KIF17: variants seen among roughly 807,000 people sequenced by gnomAD.
KIF17 encodes the protein kinesin family member 17.
A neutral mutation model predicts 96.8 loss-of-function variants in KIF17; 80 were observed. That is an observed-to-expected ratio of 0.83 (90% CI 0.69 to 1.00). The LOEUF (loss-of-function observed/expected upper bound fraction) is 1.00, where lower values mean the gene tolerates loss of function less well. Among genes scored for constraint, KIF17 ranks in the 50% least tolerant of loss-of-function variants. The pLI is 0.00. For synonymous variants in KIF17, 567 were observed against 587.5 expected (o/e 0.97, Z 0.51); for missense variants, 1,280 against 1,372.9 (o/e 0.93, Z 1.07).
downstream of KIF17, among the ~76,000 whole-genome samples, chr1:20,661,817 G>C (rs2053441063): frequency 6.6e-6 from 1 of 152,240 alleles, no homozygotes; most frequent in African/African-American, 2.4e-5. Context: ...TCGGGACCAG[G>C]AACTAGGCCC....
Position 20,717,810 on chromosome 1 carries a change from G to A in KIF17, c.-104C>T. ...GGGGCCAGCGCCGGCCACGGGGGGCGGGGCCTTGAGGCAGGGGCGGGGCCG... is the reference window on the plus strand; with the variant it reads ...GGGGCCAGCGCCGGCCACGGGGGGCAGGGCCTTGAGGCAGGGGCGGGGCCG... On this transcript the variant is annotated 5_prime_UTR_variant, in exon 1 of 15. Transcript: ENST00000400463. The A allele has an allele frequency of 8.0e-7, 1 of 1,256,858 alleles. No individual in the cohort carries two copies. Among genetic ancestry groups the A allele is most frequent in the South Asian group, 2.2e-5 (1 of 45,984 alleles). The allele number at this position is 1,256,858 out of a possible 1,614,324, so 77.9% of individuals were successfully genotyped here.
At chr1:20,712,737 T>C (rs192157682) in intron 3 of KIF17, among the ~76,000 whole-genome samples, 1,092 of 20,960 alleles carry the variant, frequency 0.052, 326 homozygotes, top group African/African-American at 0.13. Context: ...TATCTATATA[T>C]ATTATATATA....
intron 7 of KIF17, among the ~76,000 whole-genome samples, chr1:20,688,503 G>A (rs895572493): frequency 1.3e-5 from 2 of 152,076 alleles, no homozygotes; most frequent in South Asian, 2.1e-4. Flanking sequence ...CCTGACCAAC[G>A]CTGGGATTCC....
At chr1:20,665,003 C>T (rs942990781) in intron 14 of KIF17, among the ~76,000 whole-genome samples, 1 of 152,048 alleles carries the variant, frequency 6.6e-6, no homozygotes, top group Non-Finnish European at 1.5e-5. Context: ...TTTAAAGCAT[C>T]AGACTGAGGC....
intron 13 of KIF17, among the ~76,000 whole-genome samples, chr1:20,668,010 CA>C (rs796242617): frequency 0.023 from 2,730 of 119,088 alleles, 65 homozygotes; most frequent in African/African-American, 0.062. Context: ...AACTCTGTCT[CA>C]AAAAAAAAAA....
At chr1:20,691,440 C>T (rs961094791) in intron 6 of KIF17, among the ~76,000 whole-genome samples, 16 of 151,998 alleles carry the variant, frequency 1.1e-4, no homozygotes, top group Admixed American at 2.0e-4. Context: ...AGCCACCACA[C>T]CCAGCCTCTC....
rs1557592663 is a variant in KIF17, at chr1:20,687,805, CAG to C, written c.1519_1520del (p.Leu507AlafsTer3). 6.2e-7 allele frequency: 1 copy of C among 1,614,182 alleles called. No individual in the cohort carries two copies. The highest frequency in any genetic ancestry group is 1.1e-5 in the South Asian group (1 of 91,088). ...KPKVFSTTDTLPSDDVSKTQV... is the reference protein window; with the variant it reads ...KPKVFSTTDTXPSDDVSKTQV... ...GAGTCTTGGAGACATCGTCACTGGG[CAG>C]AGTGTCAGTCGTGGAGAAGACCTTG... On this transcript the variant is annotated frameshift_variant, in exon 8 of 15. Transcript: ENST00000400463. LOFTEE classifies it high-confidence loss of function. This position sits in a 1 kb window ranked among gnomAD's most constrained non-coding sequence, Gnocchi z 4.4.
rs2054214985 is a variant in KIF17, at chr1:20,700,486, G to C, written c.1124-1998C>G. Among the ~76,000 whole-genome samples, 2 of 152,228 alleles carry C rather than the reference G, an allele frequency of 1.3e-5. No homozygotes were observed. The highest frequency in any genetic ancestry group is 4.8e-5 in the African/African-American group (2 of 41,456). ...CCAAGTGTCTGGTTTGAACACCTGA[G>C]TTGCCTCTGTCAGCTGTTGGGGGGA... On this transcript the variant is annotated intron_variant, in intron 5 of 14. Coordinates refer to ENST00000400463, the MANE Select transcript of KIF17 (RefSeq NM_001122819.3). This position sits in a 1 kb window ranked among gnomAD's most constrained non-coding sequence, Gnocchi z 4.6.
intron 12 of KIF17, 97 bp downstream of exon 12, chr1:20,671,841 C>T (rs1174107537): frequency 1.4e-6 from 2 of 1,463,104 alleles, no homozygotes; most frequent in Non-Finnish European, 1.9e-6. Context: ...CTTCTACACC[C>T]ACAGCCTGCA....
chr1:20,695,384 C>T (rs962511565), intron 6 of KIF17, among the ~76,000 whole-genome samples: 11 of 152,274 alleles, frequency 7.2e-5, no homozygotes, highest in South Asian at 6.2e-4. Context: ...GACGGGGTTT[C>T]GCCATGTTGG....
At chr1:20,689,501 A>G (rs2054001365) in intron 7 of KIF17, among the ~76,000 whole-genome samples, 1 of 152,074 alleles carries the variant, frequency 6.6e-6, no homozygotes, top group South Asian at 2.1e-4. Context: ...AAACACAAAA[A>G]TTAGCCGGGT....
At chr1:20,713,340 C>A in intron 3 of KIF17, 114 bp downstream of exon 3, 1 of 717,094 alleles carries the variant, frequency 1.4e-6, no homozygotes, top group Non-Finnish European at 2.3e-6. Context: ...AGTCCCGACT[C>A]TAGCCTCCCA....
At chr1:20,715,237 T>G (rs545065339) in intron 2 of KIF17, among the ~76,000 whole-genome samples, 1 of 152,338 alleles carries the variant, frequency 6.6e-6, no homozygotes, top group Non-Finnish European at 1.5e-5. Context: ...CCTGGCCCAG[T>G]GCACAGGGTC....
At chr1:20,698,337 C>T (rs2054178076) in intron 6 of KIF17, 42 bp downstream of exon 6, 1 of 1,443,292 alleles carries the variant, frequency 6.9e-7, no homozygotes. Flanking sequence ...TGGGCCCCAC[C>T]TGCCTGTCCC....
rs1038411897 is a variant in KIF17 at position 20,672,632 on chromosome 1, G to C, written c.2464-436C>G. ...TTGCACAAGTGACATCTCTAAGGAG[G>C]ACAACAGGCACAAACTCTCCGACTT... is the stretch of plus-strand genomic sequence containing the variant. On this transcript the variant is annotated intron_variant, in intron 11 of 14. Coordinates refer to ENST00000400463, the MANE Select transcript of KIF17 (RefSeq NM_001122819.3). The surrounding 1 kb of genome is among the most constrained non-coding windows in gnomAD (Gnocchi z 4.3). Among the ~76,000 whole-genome samples the C allele has an allele frequency of 6.6e-6, 1 of 152,160 alleles. No individual in the cohort carries two copies. Among genetic ancestry groups the C allele is most frequent in the African/African-American group, 2.4e-5 (1 of 41,424 alleles).
In KIF17 at chr1:20,690,348, G is replaced by GC; in HGVS notation, c.1234-14_1234-13insG. The GC allele has an allele frequency of 2.8e-5, 21 of 757,316 alleles. No homozygotes were observed. The highest frequency in any genetic ancestry group is 4.1e-5 in the Non-Finnish European group (19 of 468,024). 46.9% of individuals were successfully genotyped at this position (757,316 alleles called of 1,614,324 possible). ...GCTCTTCATACTCCTGGGGGGGTGG[G>GC]AGGGACCAGAGGGCAGGCAGCATTT... On this transcript the variant is annotated splice_polypyrimidine_tract_variant and intron_variant, in intron 6 of 14. Coordinates refer to ENST00000400463, the MANE Select transcript of KIF17 (RefSeq NM_001122819.3).
At chr1:20,714,811 A>AAG (rs1421513923) in intron 2 of KIF17, among the ~76,000 whole-genome samples, 1 of 151,842 alleles carries the variant, frequency 6.6e-6, no homozygotes, top group Non-Finnish European at 1.5e-5. Flanking sequence ...AAAAAAAAAA[A>AAG]AAAACACCTG....
chr1:20,712,455 C>T (rs1419548618), intron 3 of KIF17, among the ~76,000 whole-genome samples: 1 of 144,008 alleles, frequency 6.9e-6, no homozygotes, highest in South Asian at 2.2e-4. Context: ...TCCCAGCTAC[C>T]GGGGGCGCTG....
intron 6 of KIF17, among the ~76,000 whole-genome samples, chr1:20,695,968 AC>A: frequency 6.6e-6 from 1 of 152,264 alleles, no homozygotes; most frequent in Middle Eastern, 3.4e-3. Flanking sequence ...TACATGATAC[AC>A]AGCCCGCCAA....
Sources: gnomAD v4.1 joint callset for allele counts (sites outside exome capture counted in the v4.1 genomes callset) on GRCh38, gnomAD v4.1.1 for gene constraint, Gnocchi (gnomAD v3.1) non-coding constraint, MANE v1.5 for transcripts, NCBI Gene and HGNC (gene_info 2026-07-23, HGNC 2026-07-21) for gene names.